The following GABRG1 variants were observed in gnomAD, a reference collection of about 807,000 sequenced individuals.
The protein encoded by GABRG1 is gamma-aminobutyric acid receptor subunit gamma-1.
In GABRG1, 49 loss-of-function variants were observed where a neutral mutation model predicts 49.8. The ratio of observed to expected loss-of-function variants is 0.98; its 90% CI spans 0.78 to 1.25. GABRG1 has a LOEUF of 1.25. GABRG1 is among the 50% of genes most tolerant of loss of function. GABRG1 has a pLI of 0.00. For synonymous variants in GABRG1, 232 were observed against 185.1 expected (o/e 1.25, Z -2.06); for missense variants, 552 against 552.3 (o/e 1.00, Z 0.01).
intron 8 of GABRG1, 72 bp from the exon 9 acceptor site, chr4:46,041,326 C>G: frequency 7.0e-7 from 1 of 1,431,672 alleles, no homozygotes; most frequent in Non-Finnish European, 9.6e-7. Context: ...GCTCCTTTAA[C>G]GCAAACTCTA....
chr4:46,082,004 G>A (rs774865970), intron 3 of GABRG1, among the ~76,000 whole-genome samples: 22 of 151,790 alleles, frequency 1.4e-4, no homozygotes, highest in East Asian at 1.9e-4. Flanking sequence ...GTGCTACTTC[G>A]TTGTGGCAAC....
intron 1 of GABRG1, among the ~76,000 whole-genome samples, chr4:46,108,741 A>T (rs1450391206): frequency 6.6e-6 from 1 of 150,988 alleles, no homozygotes; most frequent in Non-Finnish European, 1.5e-5. Context: ...TTTATAAGGT[A>T]GGCATTTTAC....
At chr4:46,058,162 T>C in intron 7 of GABRG1, 55 bp downstream of exon 7, 1 of 1,508,626 alleles carries the variant, frequency 6.6e-7, no homozygotes, top group Non-Finnish European at 9.0e-7. Flanking sequence ...TTTTATCACA[T>C]CAAAATGATT....
At chr4:46,047,456 A>ATATT (rs1326462985) in intron 8 of GABRG1, among the ~76,000 whole-genome samples, 1 of 152,072 alleles carries the variant, frequency 6.6e-6, no homozygotes, top group Non-Finnish European at 1.5e-5. Context: ...TTATTTACAC[A>ATATT]TGAAATGAAA....
intron 8 of GABRG1, among the ~76,000 whole-genome samples, chr4:46,049,329 T>C (rs151165581): frequency 1.3e-5 from 2 of 152,030 alleles, no homozygotes; most frequent in East Asian, 3.9e-4. Flanking sequence ...CAAGACCATA[T>C]GGCTGTACAC....
intron 5 of GABRG1, among the ~76,000 whole-genome samples, chr4:46,061,488 C>A (rs1718672608): frequency 6.6e-6 from 1 of 152,030 alleles, no homozygotes; most frequent in Non-Finnish European, 1.5e-5. Context: ...TAGCATTAGA[C>A]AATTTGTGGG....
intron 1 of GABRG1, among the ~76,000 whole-genome samples, chr4:46,109,951 G>T (rs185939837): frequency 6.6e-6 from 1 of 151,078 alleles, no homozygotes; most frequent in East Asian, 2.0e-4. Flanking sequence ...TGATCTTGGA[G>T]TAGGTTCCAT....
rs949185223 is a variant in GABRG1, at chr4:46,088,857, G to A, written c.254-4804C>T. ...TGTGTGTGTGTGTATTCCCAAGAAT[G>A]TCTTCTCAGGAAAATTGAAGGCTGG... is the stretch of plus-strand genomic sequence containing the variant. On this transcript the variant is annotated intron_variant, in intron 2 of 8. Transcript: ENST00000295452. Among the ~76,000 whole-genome samples, 45 of 145,120 alleles carry A rather than the reference G, an allele frequency of 3.1e-4. No individual in the cohort carries two copies. The Admixed American group carries it at 3.1e-3, about 10-fold the overall frequency.
At chr4:46,115,118 A>T (rs1319757511) in intron 1 of GABRG1, among the ~76,000 whole-genome samples, 1 of 150,900 alleles carries the variant, frequency 6.6e-6, no homozygotes, top group Non-Finnish European at 1.5e-5. Flanking sequence ...AGAACAATCA[A>T]CATGAGAATT....
chr4:46,118,132 G>GTATATATATATA (rs1553884495), intron 1 of GABRG1, among the ~76,000 whole-genome samples: 38,497 of 109,544 alleles, frequency 0.35, 8,114 homozygotes, highest in African/African-American at 0.41. Flanking sequence ...GTGTGTGTGT[G>GTATATATATATA]TATATATATA....
intron 2 of GABRG1, among the ~76,000 whole-genome samples, chr4:46,094,421 T>C (rs554461492): frequency 6.6e-6 from 1 of 152,036 alleles, no homozygotes; most frequent in Admixed American, 6.6e-5. Flanking sequence ...AGGGAGTCAG[T>C]GATGGGCCTA....
At chr4:46,090,769 A>G (rs1040760976) in intron 2 of GABRG1, among the ~76,000 whole-genome samples, 4 of 151,994 alleles carry the variant, frequency 2.6e-5, no homozygotes, top group African/African-American at 7.2e-5. Context: ...TGAGTTCTAC[A>G]TTACTCTTTG....
intron 3 of GABRG1, among the ~76,000 whole-genome samples, chr4:46,074,465 G>T (rs777737105): frequency 1.9e-4 from 29 of 152,086 alleles, no homozygotes; most frequent in Non-Finnish European, 2.9e-4. Context: ...AGCACTTGCT[G>T]CTTCTGTTTA....
chr4:46,119,796 C>T (rs77690315), intron 1 of GABRG1, among the ~76,000 whole-genome samples: 4,116 of 151,358 alleles, frequency 0.027, 79 homozygotes, highest in Middle Eastern at 0.061. Flanking sequence ...AAATCTAGGT[C>T]TTAGCCATGA....
At chr4:46,079,561 A>G (rs1719488452) in intron 3 of GABRG1, among the ~76,000 whole-genome samples, 1 of 151,860 alleles carries the variant, frequency 6.6e-6, no homozygotes, top group African/African-American at 2.4e-5. Context: ...CAAAGTTTCT[A>G]TATTAGTCAT....
At chr4:46,052,236 AAAAAG>A (rs1242115791) in intron 7 of GABRG1, among the ~76,000 whole-genome samples, 1 of 151,780 alleles carries the variant, frequency 6.6e-6, no homozygotes, top group African/African-American at 2.4e-5. Context: ...AATAAAAAAA[AAAAAG>A]AAATACCTAC....
At chr4:46,113,617 C>T (rs1446830198) in intron 1 of GABRG1, among the ~76,000 whole-genome samples, 1 of 150,872 alleles carries the variant, frequency 6.6e-6, no homozygotes, top group East Asian at 2.0e-4. Flanking sequence ...TTATATTTGC[C>T]CATTTGGACA....
At chr4:46,076,782 T>G (rs1428639414) in intron 3 of GABRG1, among the ~76,000 whole-genome samples, 1 of 151,820 alleles carries the variant, frequency 6.6e-6, no homozygotes, top group Non-Finnish European at 1.5e-5. Context: ...CTGTTTGCCT[T>G]GAGGTATCTA....
At chr4:46,082,432 T>G (rs1372007026) in intron 3 of GABRG1, among the ~76,000 whole-genome samples, 1 of 151,730 alleles carries the variant, frequency 6.6e-6, no homozygotes, top group Non-Finnish European at 1.5e-5. Flanking sequence ...ACATTCCCAC[T>G]CACTCCCTAG....
Sources: allele counts gnomAD v4.1 joint callset (sites outside exome capture counted in the v4.1 genomes callset), GRCh38; gene constraint gnomAD v4.1.1; transcripts MANE v1.5; gene names NCBI Gene and HGNC (gene_info 2026-07-23, HGNC 2026-07-21).